KCNAB1: variants seen among roughly 807,000 people sequenced by gnomAD.
KCNAB1 encodes potassium voltage-gated channel subfamily A regulatory beta subunit 1, also known as voltage-gated potassium channel subunit beta-1.
In KCNAB1, 35 loss-of-function variants were observed where a neutral mutation model predicts 64.6. The observed-to-expected ratio is 0.54, with a 90% CI of 0.41 to 0.72. The LOEUF (loss-of-function observed/expected upper bound fraction) is 0.72, where lower values mean the gene tolerates loss of function less well. KCNAB1 is among the 30% of genes least tolerant of loss of function. The pLI is 0.00. For synonymous variants in KCNAB1, 177 were observed against 183.8 expected (o/e 0.96, Z 0.30); for missense variants, 401 against 512.9 (o/e 0.78, Z 2.11).
At chr3:156,339,029 A>T (rs1424219706) in intron 1 of KCNAB1, among the ~76,000 whole-genome samples, 1 of 152,160 alleles carries the variant, frequency 6.6e-6, no homozygotes, top group African/African-American at 2.4e-5. Flanking sequence ...ATATCCAGCA[A>T]GGGGCATGGC....
intron 1 of KCNAB1, among the ~76,000 whole-genome samples, chr3:156,228,129 G>A (rs1716295852): frequency 6.6e-6 from 1 of 151,830 alleles, no homozygotes; most frequent in Admixed American, 6.6e-5. Flanking sequence ...CCATTCCTCT[G>A]TTCATTCATT....
At chr3:156,223,529 T>C (rs1576621310) in intron 1 of KCNAB1, among the ~76,000 whole-genome samples, 1 of 152,186 alleles carries the variant, frequency 6.6e-6, no homozygotes, top group East Asian at 1.9e-4. Context: ...AGAGTACTCA[T>C]TGGTGTATTT....
At chr3:156,415,698 T>G (rs930337415) in intron 1 of KCNAB1, among the ~76,000 whole-genome samples, 7 of 152,138 alleles carry the variant, frequency 4.6e-5, no homozygotes, top group African/African-American at 1.2e-4. Context: ...CCCTTCTCAA[T>G]TTTCTTTGCC....
intron 2 of KCNAB1, among the ~76,000 whole-genome samples, chr3:156,439,021 A>G (rs1056529711): frequency 3.7e-5 from 3 of 81,628 alleles, no homozygotes; most frequent in African/African-American, 1.1e-4. Flanking sequence ...CTCAAAAAAA[A>G]CAAAAAACAA....
At chr3:156,188,811 A>G (rs753414602) in intron 1 of KCNAB1, among the ~76,000 whole-genome samples, 29 of 152,186 alleles carry the variant, frequency 1.9e-4, no homozygotes, top group Non-Finnish European at 4.0e-4. Flanking sequence ...AGGCCTTGGA[A>G]GAAAGCTGTT....
chr3:156,437,966 A>G (rs1306735555), intron 2 of KCNAB1, among the ~76,000 whole-genome samples: 6 of 152,164 alleles, frequency 3.9e-5, no homozygotes, highest in Non-Finnish European at 5.9e-5. Flanking sequence ...TGCTTAGACA[A>G]GTTGTCATCT....
At chr3:156,121,033 C>T in intron 1 of KCNAB1, 147 bp downstream of exon 1, 3 of 951,334 alleles carry the variant, frequency 3.2e-6, no homozygotes, top group Non-Finnish European at 4.6e-6. Context: ...TGTGTAACCA[C>T]AAAGAGCAGG....
At chr3:156,514,615 T>A (rs1265374630) in intron 9 of KCNAB1, among the ~76,000 whole-genome samples, 166 bp downstream of exon 9, 1 of 152,220 alleles carries the variant, frequency 6.6e-6, no homozygotes, top group Non-Finnish European at 1.5e-5. Flanking sequence ...GAGCCGGAGC[T>A]CATCCGTTCA....
At chr3:156,447,732 T>A (rs889699712) in intron 2 of KCNAB1, among the ~76,000 whole-genome samples, 1 of 152,104 alleles carries the variant, frequency 6.6e-6, no homozygotes, top group African/African-American at 2.4e-5. Flanking sequence ...AACATACAAT[T>A]AAATGCAATG....
At chr3:156,468,807 C>G (rs1238529146) in intron 7 of KCNAB1, among the ~76,000 whole-genome samples, 2 of 152,152 alleles carry the variant, frequency 1.3e-5, no homozygotes, top group Admixed American at 6.5e-5. Flanking sequence ...GAAAAGCATC[C>G]AAATTCCTCA....
intron 8 of KCNAB1, among the ~76,000 whole-genome samples, chr3:156,501,276 T>G (rs1716382595): frequency 6.6e-6 from 1 of 152,108 alleles, no homozygotes; most frequent in African/African-American, 2.4e-5. Flanking sequence ...TTTAGAATAT[T>G]AAGTAAGTAG....
intron 1 of KCNAB1, among the ~76,000 whole-genome samples, chr3:156,177,658 T>C (rs947890484): frequency 6.6e-6 from 1 of 151,816 alleles, no homozygotes; most frequent in East Asian, 1.9e-4. Context: ...ATTACATGCG[T>C]GAGCCACTGC....
chr3:156,131,491 G>A (rs954500404), intron 1 of KCNAB1, among the ~76,000 whole-genome samples: 1 of 152,170 alleles, frequency 6.6e-6, no homozygotes, highest in Non-Finnish European at 1.5e-5. Context: ...ATCCAGGAAC[G>A]GCTCCCAAAT....
chr3:156,120,516 A>C (rs1713271805), upstream of KCNAB1: 2 of 1,357,010 alleles, frequency 1.5e-6, no homozygotes, highest in Non-Finnish European at 2.1e-6. Context: ...AGAGAGGTGG[A>C]GTGGGCAGGG....
At chr3:156,455,750 G>T (rs1020924166) in intron 3 of KCNAB1, among the ~76,000 whole-genome samples, 2 of 152,142 alleles carry the variant, frequency 1.3e-5, no homozygotes, top group African/African-American at 2.4e-5. Context: ...GTCTCTGGCC[G>T]TGTGGGTCTT....
chr3:156,394,465 G>A (rs1713276788), intron 1 of KCNAB1, among the ~76,000 whole-genome samples: 2 of 152,192 alleles, frequency 1.3e-5, no homozygotes, highest in African/African-American at 4.8e-5. Context: ...TTGACTCTGG[G>A]CAGAGGAGAG....
At chr3:156,413,183 G>A (rs1287182321) in intron 1 of KCNAB1, among the ~76,000 whole-genome samples, 1 of 152,206 alleles carries the variant, frequency 6.6e-6, no homozygotes, top group Admixed American at 6.5e-5. Context: ...GGGTCTGAGT[G>A]GGGATAGAAG....
In KCNAB1 at chr3:156,176,893, G is replaced by A. The variant is rs563657215; in HGVS notation, c.275+56007G>A. On this transcript the variant is annotated intron_variant, in intron 1 of 13. Coordinates refer to ENST00000490337, the MANE Select transcript of KCNAB1 (RefSeq NM_172160.3). Reference sequence around the variant, plus strand: ...ACCAGCGGTAACTCTGGGCCTGTACGCTTCTGCTGTTCTATCATGGCGGCA... The same window carrying A: ...ACCAGCGGTAACTCTGGGCCTGTACACTTCTGCTGTTCTATCATGGCGGCA... 1.5e-4 allele frequency: 164 copies of A among 1,129,194 alleles called. No homozygotes were observed. In the South Asian group the frequency reaches 1.6e-3, roughly 11 times the overall value. The allele number at this position is 1,129,194 out of a possible 1,614,324, so 69.9% of individuals were successfully genotyped here.
chr3:156,279,032 T>C (rs924027963), intron 1 of KCNAB1, among the ~76,000 whole-genome samples: 1 of 152,072 alleles, frequency 6.6e-6, no homozygotes, highest in Non-Finnish European at 1.5e-5. Context: ...TAGTTACATA[T>C]GTATACATGT....
Sources: allele counts gnomAD v4.1 joint callset (sites outside exome capture counted in the v4.1 genomes callset), GRCh38; gene constraint gnomAD v4.1.1; transcripts MANE v1.5; gene names NCBI Gene and HGNC (gene_info 2026-07-23, HGNC 2026-07-21).